The following NEK9 variants were observed in gnomAD, a reference collection of about 807,000 sequenced individuals.
NEK9 encodes the protein serine/threonine-protein kinase Nek9.
NEK9 carries 75 observed loss-of-function variants against 123.4 expected under a neutral mutation model. That is an observed-to-expected ratio of 0.61 (90% CI 0.50 to 0.74). The LOEUF (loss-of-function observed/expected upper bound fraction) is 0.74. NEK9 is among the 30% of genes least tolerant of loss of function. The pLI is 0.00. For synonymous variants in NEK9, 438 were observed against 458.7 expected (o/e 0.95, Z 0.58); for missense variants, 952 against 1,214.4 (o/e 0.78, Z 3.21).
At position 75,084,575 on chromosome 14, in the gene NEK9, G is replaced by T. The variant is rs1449667427; in HGVS notation, c.2929C>A (p.Pro977Thr). 1 of 1,614,054 alleles carries T rather than the reference G, an allele frequency of 6.2e-7. No homozygotes were observed. Among genetic ancestry groups the T allele is most frequent in the East Asian group, 2.2e-5 (1 of 44,894 alleles). The change falls in exon 22 of 22, where the codon CCC becomes ACC. Residue 977 changes from proline to threonine, a missense_variant. Physicochemically the swap from Pro to Thr is conservative, Grantham distance 38. This residue lies in a region of NEK9 where 698 missense variants were observed against 875.6 expected (regional missense o/e 0.80). Coordinates refer to ENST00000238616, the MANE Select transcript of NEK9 (RefSeq NM_033116.6). Reference protein sequence around the residue: ...WCLLGTDSCRPSL With the variant: ...WCLLGTDSCRTSL ...ACAGGCTCAGGAGACTAGAGGCTGG[G>T]TCTACAGGAGTCTGTTCCCAGGAGG...
intron 14 of NEK9, among the ~76,000 whole-genome samples, chr14:75,102,193 T>C (rs1894606089): frequency 6.6e-6 from 1 of 152,184 alleles, no homozygotes; most frequent in Admixed American, 6.5e-5. Flanking sequence ...ATCTATAGGG[T>C]AGTGTTTCTC....
intron 7 of NEK9, among the ~76,000 whole-genome samples, chr14:75,113,707 A>G (rs1895034724): frequency 6.6e-6 from 1 of 152,166 alleles, no homozygotes; most frequent in Admixed American, 6.5e-5. Flanking sequence ...CTTTATCCAC[A>G]GAGATTCTGA....
rs1025923341 is a variant in NEK9 at position 75,081,431 on chromosome 14, C to T, written c.*3133G>A. ...TTAATGATCAGCGTGTTTATTTCCACAGTTAATCATTGAAACAATAAATGA... is the reference window on the plus strand; with the variant it reads ...TTAATGATCAGCGTGTTTATTTCCATAGTTAATCATTGAAACAATAAATGA... On this transcript the variant is annotated 3_prime_UTR_variant, in exon 22 of 22. Coordinates refer to ENST00000238616, the MANE Select transcript of NEK9 (RefSeq NM_033116.6). The surrounding 1 kb of genome is among the most constrained non-coding windows in gnomAD (Gnocchi z 4.2). 1 of 152,154 alleles carries T rather than the reference C, an allele frequency of 6.6e-6. No homozygotes were observed. Among genetic ancestry groups the T allele is most frequent in the African/African-American group, 2.4e-5 (1 of 41,432 alleles). The allele number at this position is 152,154 out of a possible 1,614,324, so 9.4% of individuals were successfully genotyped here.
At chr14:75,102,397 G>T (rs1894613818) in intron 14 of NEK9, among the ~76,000 whole-genome samples, 1 of 152,016 alleles carries the variant, frequency 6.6e-6, no homozygotes, top group African/African-American at 2.4e-5. Context: ...GCCCAGGCTG[G>T]AGTGCAGTGG....
rs1043628064 is a variant in NEK9, at chr14:75,081,245, G to A, written c.*3319C>T. On this transcript the variant is annotated 3_prime_UTR_variant, in exon 22 of 22. Transcript: ENST00000238616. This position sits in a 1 kb window ranked among gnomAD's most constrained non-coding sequence, Gnocchi z 4.2. ...AGGCGTGAGCCACTGCGTCTGGCCC[G>A]AGACAGTATTTCTTAACAGCAATGT... is the stretch of plus-strand genomic sequence containing the variant. 2.6e-5 allele frequency: 4 copies of A among 152,200 alleles called. No homozygotes were observed. Among genetic ancestry groups the A allele is most frequent in the Admixed American group, 6.5e-5 (1 of 15,270 alleles). 9.4% of individuals were successfully genotyped at this position (152,200 alleles called of 1,614,324 possible).
At chr14:75,112,940 A>G (rs3742773) in intron 8 of NEK9, among the ~76,000 whole-genome samples, 65,876 of 152,084 alleles carry the variant, frequency 0.43, 15,942 homozygotes, top group East Asian at 0.84. Context: ...TTTAATCCTG[A>G]CCTCATCTTA....
chr14:75,102,115 G>C (rs1234601832), intron 14 of NEK9, among the ~76,000 whole-genome samples: 2 of 152,220 alleles, frequency 1.3e-5, no homozygotes, highest in Admixed American at 1.3e-4. Flanking sequence ...CAAGGGCAGG[G>C]CAAAGAATTA....
chr14:75,091,572 T>A, intron 18 of NEK9, 94 bp from the exon 19 acceptor site: 2 of 1,116,130 alleles, frequency 1.8e-6, no homozygotes, highest in Non-Finnish European at 2.4e-6. Context: ...AAGGTGCCTA[T>A]AAGCTGCATG....
chr14:75,100,219 A>G (rs1261963187), intron 16 of NEK9, among the ~76,000 whole-genome samples: 3 of 148,282 alleles, frequency 2.0e-5, no homozygotes, highest in East Asian at 2.0e-4. Flanking sequence ...GGCCGAGGCA[A>G]GCGGATCACC....
At chr14:75,114,899 TGTAAA>T (rs1375819660) in intron 6 of NEK9, among the ~76,000 whole-genome samples, 1 of 152,096 alleles carries the variant, frequency 6.6e-6, no homozygotes, top group Non-Finnish European at 1.5e-5. Context: ...GGCTCAGAGA[TGTAAA>T]GTAACTTGCC....
intron 2 of NEK9, among the ~76,000 whole-genome samples, chr14:75,121,997 CCTATCATTA>C (rs1895353032): frequency 6.6e-6 from 1 of 152,192 alleles, no homozygotes; most frequent in South Asian, 2.1e-4. Flanking sequence ...TAGACTGTTT[CCTATCATTA>C]CTCTCTTTAC....
rs777724122 is a variant in NEK9, at chr14:75,097,146, A to G, written c.2127T>C (p.His709=). Residue 709 remains histidine (H), a synonymous_variant, in exon 17 of 22, where the codon CAT becomes CAC. Transcript: ENST00000238616. ...WPRPIFGSLH[H]VPDLSCRGWH... is the part of the protein sequence containing the mutation. The stretch of plus-strand genomic sequence containing the variant: ...ATCCACGGCAAGACAGGTCCGGGAC[A>G]TGATGCAGAGATCCAAAAATAGGCC... 1 of 1,613,828 alleles carries G rather than the reference A, an allele frequency of 6.2e-7. No homozygotes were observed. Among genetic ancestry groups the G allele is most frequent in the East Asian group, 2.2e-5 (1 of 44,880 alleles).
chr14:75,116,722 G>C, intron 6 of NEK9: 1 of 170,066 alleles, frequency 5.9e-6, no homozygotes, highest in South Asian at 1.3e-4. Flanking sequence ...CCACTTCCCG[G>C]GTTCAAGTGA....
chr14:75,106,480 A>C (rs1172517114), intron 12 of NEK9, 22 bp downstream of exon 12: 1 of 1,613,292 alleles, frequency 6.2e-7, no homozygotes, highest in Admixed American at 1.7e-5. Context: ...GAAGAAGTGG[A>C]CAGAGACAAG....
At position 75,097,223 on chromosome 14, in the gene NEK9, T is replaced by C. The variant is rs766456800; in HGVS notation, c.2050A>G (p.Met684Val). The C allele has an allele frequency of 4.3e-6, 7 of 1,610,642 alleles. No homozygotes were observed. The highest frequency in any genetic ancestry group is 1.1e-5 in the South Asian group (1 of 90,662). The stretch of plus-strand genomic sequence containing the variant: ...CCATGTGGTCTCTCTGTGGGGGTCA[T>C]TGCCAGGCGGCCATTACCACCATTG... ...WGNGGNGRLA[M>V]TPTERPHGSD... The change falls in exon 17 of 22, where the codon ATG becomes GTG. Residue 684 changes from methionine (M) to valine (V), a missense_variant. By Grantham distance (21) the Met-to-Val change is conservative. Around this residue, in one of 4 missense-constraint regions of NEK9, gnomAD observed 698 missense variants for 875.6 expected, o/e 0.80. Transcript: ENST00000238616.
rs1462448978 is a variant in NEK9, at chr14:75,118,885, A to C, written c.575T>G (p.Leu192Arg). 1.9e-6 allele frequency: 3 copies of C among 1,611,166 alleles called. No homozygotes were observed. The highest frequency in any genetic ancestry group is 2.5e-6 in the Non-Finnish European group (3 of 1,177,470). Residue 192 changes from leucine to arginine, a missense_variant, in exon 5 of 22, where the codon CTT becomes CGT. Transcript: ENST00000238616. The part of the protein sequence containing the change: ...IFLTKANLIK[L>R]GDYGLAKKLN... Reference sequence around the variant, plus strand: ...TTTCTTTGCTAGGCCATAATCTCCAAGTTTTATCAGGTTTGCCTTGGTCAG... The same window carrying C: ...TTTCTTTGCTAGGCCATAATCTCCACGTTTTATCAGGTTTGCCTTGGTCAG...
In NEK9 at chr14:75,117,219, G is replaced by A. The variant is rs1456070252; in HGVS notation, c.738C>T (p.Thr246=). 1 of 1,613,622 alleles carries A rather than the reference G, an allele frequency of 6.2e-7. No individual in the cohort carries two copies. The highest frequency in any genetic ancestry group is 1.7e-5 in the Admixed American group (1 of 59,930). ...AVGCVIFELL[T]LKRTFDATNP... ...CTGTAGCATCAAACGTCCTCTTTAAGGTAAGCAGTTCAAAAATGACGCAGC... is the reference window on the plus strand; with the variant it reads ...CTGTAGCATCAAACGTCCTCTTTAAAGTAAGCAGTTCAAAAATGACGCAGC... The change falls in exon 6 of 22, where the codon ACC becomes ACT. Residue 246 remains threonine (T), a synonymous_variant. Coordinates refer to ENST00000238616, the MANE Select transcript of NEK9 (RefSeq NM_033116.6).
intron 7 of NEK9, 134 bp downstream of exon 7, chr14:75,114,069 G>T: frequency 3.3e-6 from 2 of 611,348 alleles, no homozygotes. Flanking sequence ...TACCTATTCT[G>T]GGTATAGCCA....
intron 16 of NEK9, among the ~76,000 whole-genome samples, chr14:75,098,027 G>A (rs1313684577): frequency 2.6e-5 from 4 of 152,348 alleles, no homozygotes; most frequent in East Asian, 3.9e-4. Context: ...ACCACTGGAG[G>A]TTTTGAGCAG....
Sources: gnomAD v4.1 joint callset for allele counts (sites outside exome capture counted in the v4.1 genomes callset) on GRCh38, gnomAD v4.1.1 for gene constraint, gnomAD v4.1.1 regional missense constraint, Gnocchi (gnomAD v3.1) non-coding constraint, MANE v1.5 for transcripts, NCBI Gene and HGNC (gene_info 2026-07-23, HGNC 2026-07-21) for gene names.